MYOCD: variants seen among roughly 807,000 people sequenced by gnomAD.
MYOCD encodes myocardin.
In MYOCD, 32 loss-of-function variants were observed where a neutral mutation model predicts 96.1. The ratio of observed to expected loss-of-function variants is 0.33; its 90% CI spans 0.25 to 0.45. MYOCD has a LOEUF of 0.45. MYOCD is among the 20% of genes least tolerant of loss of function. The pLI is 1.00. For synonymous variants in MYOCD, 469 were observed against 469.0 expected (o/e 1.00, Z 0.00); for missense variants, 1,133 against 1,200.6 (o/e 0.94, Z 0.83).
In MYOCD at chr17:12,744,276, C is replaced by G; in HGVS notation, c.811C>G (p.Pro271Ala). Residue 271 changes from proline to alanine, a missense_variant, in exon 8 of 14, where the codon CCA becomes GCA. Coordinates refer to ENST00000425538, the MANE Select transcript of MYOCD (RefSeq NM_001146312.3). ...GCTTAAATATCACCAGTACATTCCC[C>G]CAGACCAGAAGGCAGAGAAGTCCCC... Reference protein sequence around the residue: ...KKLKYHQYIPPDQKAEKSPPP... With the variant: ...KKLKYHQYIPADQKAEKSPPP... The G allele has an allele frequency of 6.2e-7, 1 of 1,614,198 alleles. No individual in the cohort carries two copies. The highest frequency in any genetic ancestry group is 1.3e-5 in the African/African-American group (1 of 75,040).
chr17:12,746,437 T>C (rs201240758), intron 9 of MYOCD, among the ~76,000 whole-genome samples: 2 of 152,160 alleles, frequency 1.3e-5, no homozygotes, highest in East Asian at 1.9e-4. Flanking sequence ...TCTTTTGAGA[T>C]AGAGGGAAAA....
At chr17:12,675,635 G>T (rs144414446) in intron 1 of MYOCD, among the ~76,000 whole-genome samples, 1 of 152,186 alleles carries the variant, frequency 6.6e-6, no homozygotes, top group African/African-American at 2.4e-5. Context: ...GAGATGGGTG[G>T]ATCACGAGGT....
chr17:12,725,170 A>G (rs1012594975), intron 5 of MYOCD, among the ~76,000 whole-genome samples: 4 of 151,980 alleles, frequency 2.6e-5, no homozygotes, highest in Non-Finnish European at 5.9e-5. Context: ...TAGTTCCAAC[A>G]GTTTCTCAGT....
chr17:12,718,993 G>A (rs968283661), intron 4 of MYOCD, among the ~76,000 whole-genome samples: 4 of 151,120 alleles, frequency 2.6e-5, no homozygotes, highest in East Asian at 1.9e-4. Flanking sequence ...GGCTAACACC[G>A]TGAAACCCCA....
At chr17:12,706,892 A>G (rs924959382) in intron 2 of MYOCD, among the ~76,000 whole-genome samples, 12 of 152,232 alleles carry the variant, frequency 7.9e-5, no homozygotes, top group African/African-American at 2.9e-4. Flanking sequence ...CTAGAAAAAA[A>G]TCCTACAAAT....
rs1272688953 is a variant in MYOCD at position 12,768,488 on chromosome 17, C to T, written c.*4844C>T. On this transcript the variant is annotated 3_prime_UTR_variant, in exon 14 of 14. Transcript: ENST00000425538. ...GGTCTCCTGTGCTTATTTTAACCAT[C>T]TGCTCCCATCGTGAACCCTGGAGCA... 1 of 152,208 alleles carries T rather than the reference C, an allele frequency of 6.6e-6. No individual in the cohort carries two copies. 9.4% of individuals were successfully genotyped at this position (152,208 alleles called of 1,614,324 possible). A position where few individuals can be genotyped will look rare whatever the true frequency, so the allele number is the denominator to read the frequency against.
In MYOCD at chr17:12,767,605, C is replaced by A. The variant is rs9904089; in HGVS notation, c.*3961C>A. 4.0e-5 allele frequency: 6 copies of A among 151,754 alleles called. No individual in the cohort carries two copies. Among genetic ancestry groups the A allele is most frequent in the Admixed American group, 6.6e-5 (1 of 15,242 alleles). The allele number at this position is 151,754 out of a possible 1,614,324, so 9.4% of individuals were successfully genotyped here. On this transcript the variant is annotated 3_prime_UTR_variant, in exon 14 of 14. Transcript: ENST00000425538. ...CCTCAAACTAGAAACCTTTCAGCTACGATGAAAAAAAAAAAGGGGTCTTCA... is the reference window on the plus strand; with the variant it reads ...CCTCAAACTAGAAACCTTTCAGCTAAGATGAAAAAAAAAAAGGGGTCTTCA...
At chr17:12,713,752 G>A (rs2031551805) in intron 2 of MYOCD, among the ~76,000 whole-genome samples, 1 of 151,998 alleles carries the variant, frequency 6.6e-6, no homozygotes, top group African/African-American at 2.4e-5. Context: ...AATTCCACCT[G>A]CGATCAAACA....
chr17:12,682,021 T>C (rs1042861632), intron 1 of MYOCD, among the ~76,000 whole-genome samples: 1 of 152,130 alleles, frequency 6.6e-6, no homozygotes, highest in Admixed American at 6.5e-5. Flanking sequence ...ACAAAAATCA[T>C]CCCTGGCTCT....
chr17:12,678,910 G>A (rs112575118), intron 1 of MYOCD, among the ~76,000 whole-genome samples: 2,467 of 152,150 alleles, frequency 0.016, 77 homozygotes, highest in African/African-American at 0.056. Context: ...TGTTAGCCGG[G>A]ATGGTCTCAA....
chr17:12,726,791 A>G (rs2032012484), intron 5 of MYOCD, among the ~76,000 whole-genome samples: 1 of 152,240 alleles, frequency 6.6e-6, no homozygotes, highest in Non-Finnish European at 1.5e-5. Flanking sequence ...AAATATGATC[A>G]TAATGATTGG....
Position 12,709,296 on chromosome 17 carries a change from A to G in MYOCD, c.121+4103A>G, listed in dbSNP as rs575759879. 2.0e-5 allele frequency among the ~76,000 whole-genome samples: 3 copies of G among 152,370 alleles called. No homozygotes were observed. In the East Asian group the frequency reaches 5.8e-4, roughly 29 times the overall value. On this transcript the variant is annotated intron_variant, in intron 2 of 13. Transcript: ENST00000425538. Reference sequence around the variant, plus strand: ...AATAAACAGTGGTTAGCAACCAGCAACAAATTGTTTTTTATAATCCCCATG... The same window carrying G: ...AATAAACAGTGGTTAGCAACCAGCAGCAAATTGTTTTTTATAATCCCCATG...
chr17:12,763,326 T>G lies in MYOCD; in HGVS notation c.2643T>G (p.Pro881=), dbSNP rs749891373. 1.9e-6 allele frequency: 3 copies of G among 1,607,582 alleles called. No homozygotes were observed. Among genetic ancestry groups the G allele is most frequent in the Non-Finnish European group, 2.5e-6 (3 of 1,177,104 alleles). The change falls in exon 14 of 14, where the codon CCT becomes CCG. Residue 881 remains proline (P), a synonymous_variant. Transcript: ENST00000425538. ...TTCTAAAAATTGGGAGCGAAGAGCC[T>G]CACTTTGATGGGATAATGGATGGAT... ...VTLLKIGSEE[P]HFDGIMDGFS...
At chr17:12,744,114 G>A (rs2032589749) in intron 7 of MYOCD, 69 bp from the exon 8 acceptor site, 8 of 1,554,664 alleles carry the variant, frequency 5.1e-6, no homozygotes, top group East Asian at 4.5e-5. Flanking sequence ...GCCTCACAAC[G>A]TGTCCATGAT....
At chr17:12,760,808 A>G in intron 13 of MYOCD, 101 bp downstream of exon 13, 1 of 961,602 alleles carries the variant, frequency 1.0e-6, no homozygotes, top group Non-Finnish European at 1.7e-6. Context: ...TGTGAGTTGG[A>G]TGTACCAGGT....
At chr17:12,717,841 T>G (rs2150685357) in intron 4 of MYOCD, among the ~76,000 whole-genome samples, 1 of 152,336 alleles carries the variant, frequency 6.6e-6, no homozygotes, top group East Asian at 1.9e-4. Context: ...CCTTCTGGTG[T>G]GCAGGGAATA....
intron 4 of MYOCD, 51 bp from the exon 5 acceptor site, chr17:12,722,796 A>T: frequency 6.7e-7 from 1 of 1,484,738 alleles, no homozygotes; most frequent in Non-Finnish European, 9.2e-7. Flanking sequence ...AAAAAGAGAG[A>T]GACAGAGACA....
At chr17:12,681,150 T>C (rs1362356216) in intron 1 of MYOCD, among the ~76,000 whole-genome samples, 3 of 152,232 alleles carry the variant, frequency 2.0e-5, no homozygotes, top group African/African-American at 7.2e-5. Context: ...TTGTGACTGC[T>C]ACCCTGTACT....
chr17:12,666,975 C>A (rs1261215486), intron 1 of MYOCD, among the ~76,000 whole-genome samples: 1 of 152,094 alleles, frequency 6.6e-6, no homozygotes, highest in Non-Finnish European at 1.5e-5. Flanking sequence ...TGGGTCTCCA[C>A]GTTTAGACAA....
Sources: gnomAD v4.1 joint callset for allele counts (sites outside exome capture counted in the v4.1 genomes callset) on GRCh38, gnomAD v4.1.1 for gene constraint, MANE v1.5 for transcripts, NCBI Gene and HGNC (gene_info 2026-07-23, HGNC 2026-07-21) for gene names.